The following CYP11B1 variants were observed in gnomAD, a reference collection of about 807,000 sequenced individuals.
CYP11B1 encodes the protein cytochrome P450 11B1, mitochondrial.
In CYP11B1, 34 loss-of-function variants were observed where a neutral mutation model predicts 48.3. That is an observed-to-expected ratio of 0.70 (90% CI 0.54 to 0.94). The LOEUF (loss-of-function observed/expected upper bound fraction) is 0.94. CYP11B1 is among the 40% of genes least tolerant of loss of function. CYP11B1 has a pLI of 0.00. For synonymous variants in CYP11B1, 291 were observed against 262.5 expected, an observed-to-expected ratio of 1.11 and a Z score of -1.05; for missense variants, 688 against 657.4, an observed-to-expected ratio of 1.05 and a Z score of -0.51.
rs1026458725 is a variant in CYP11B1 at position 142,875,825 on chromosome 8, C to T, written c.1008G>A (p.Val336=). The T allele has an allele frequency of 2.5e-6, 4 of 1,614,106 alleles. No individual in the cohort carries two copies. The highest frequency in any genetic ancestry group is 1.3e-5 in the African/African-American group (1 of 75,046). Residue 336 remains valine, a synonymous_variant, in exon 6 of 9, where the codon GTG becomes GTA. Transcript: ENST00000292427. ...GGCTCTCCTGGCGCAGGGCCTGCTG[C>T]ACGTTGGGGTTCCGAGCCAGCTCAA... ...TLFELARNPN[V]QQALRQESLA...
At chr8:142,877,980 A>G in intron 2 of CYP11B1, 1 of 650,856 alleles carries the variant, frequency 1.5e-6, no homozygotes, top group Non-Finnish European at 2.6e-6. Flanking sequence ...ATGTGCACAG[A>G]CACTACACCC....
chr8:142,875,974 C>T (rs1214639931), intron 5 of CYP11B1, 96 bp from the exon 6 acceptor site: 8 of 1,471,048 alleles, frequency 5.4e-6, no homozygotes, highest in Non-Finnish European at 7.6e-6. Flanking sequence ...GGGGTGCAGA[C>T]ATGCATACCC....
chr8:142,879,030 A>G lies in CYP11B1; in HGVS notation c.395+2T>C, dbSNP rs1363648906. ...GCTCCCAGCTCTCAGCTCGCCGCTTACAGCAAGAACACGCCACATTTGTGC... is the reference window on the plus strand; with the variant it reads ...GCTCCCAGCTCTCAGCTCGCCGCTTGCAGCAAGAACACGCCACATTTGTGC... On this transcript the variant is annotated splice_donor_variant, in intron 2 of 8. Coordinates refer to ENST00000292427, the MANE Select transcript of CYP11B1 (RefSeq NM_000497.4). LOFTEE classifies it high-confidence loss of function. 1.2e-6 allele frequency: 2 copies of G among 1,614,050 alleles called. No individual in the cohort carries two copies. The highest frequency in any genetic ancestry group is 1.7e-6 in the Non-Finnish European group (2 of 1,180,002).
rs1469339381 is a variant in CYP11B1, at chr8:142,872,625, A to G, written c.*1748T>C. The G allele has an allele frequency of 6.6e-6, 1 of 152,234 alleles. No individual in the cohort carries two copies. The highest frequency in any genetic ancestry group is 1.5e-5 in the Non-Finnish European group (1 of 68,042). 9.4% of individuals were successfully genotyped at this position (152,234 alleles called of 1,614,324 possible). Reference sequence around the variant, plus strand: ...AAATCACACTTTGGACTACAATTTTAAAGTTGATGCTAAAATGAGTTGATA... The same window carrying G: ...AAATCACACTTTGGACTACAATTTTGAAGTTGATGCTAAAATGAGTTGATA... On this transcript the variant is annotated 3_prime_UTR_variant, in exon 9 of 9. Transcript: ENST00000292427.
At chr8:142,876,117 G>T in intron 5 of CYP11B1, 124 bp downstream of exon 5, 1 of 1,389,378 alleles carries the variant, frequency 7.2e-7, no homozygotes, top group Non-Finnish European at 1.0e-6. Flanking sequence ...ACAATCCCAA[G>T]TAAGAAATGT....
intron 8 of CYP11B1, among the ~76,000 whole-genome samples, 199 bp downstream of exon 8, chr8:142,874,758 G>T (rs1816877933): frequency 6.6e-6 from 1 of 152,098 alleles, no homozygotes; most frequent in Non-Finnish European, 1.5e-5. Context: ...CACCCAGATG[G>T]TACGCTCCTC....
intron 2 of CYP11B1, 100 bp from the exon 3 acceptor site, chr8:142,877,322 G>A: frequency 8.7e-7 from 1 of 1,143,656 alleles, no homozygotes; most frequent in South Asian, 1.3e-5. Flanking sequence ...CGGCCTGCAG[G>A]GAGCTGACTG....
At chr8:142,878,628 G>A (rs541745561) in intron 2 of CYP11B1, among the ~76,000 whole-genome samples, 28 of 152,306 alleles carry the variant, frequency 1.8e-4, no homozygotes, top group African/African-American at 4.8e-4. Flanking sequence ...GGGAGGCTGC[G>A]GCCCCGGCGA....
rs758856185 is a variant in CYP11B1, at chr8:142,879,423, C to A, written c.239+152G>T. 6.2e-6 allele frequency: 10 copies of A among 1,613,180 alleles called. No homozygotes were observed. In the African/African-American group the frequency reaches 1.2e-4, roughly 19 times the overall value. On this transcript the variant is annotated intron_variant, in intron 1 of 8. Coordinates refer to ENST00000292427, the MANE Select transcript of CYP11B1 (RefSeq NM_000497.4). ...ACCATCCCCTGCCCTGGCAGCGCCA[C>A]AGACCAGCACGTGCTGCACTCCTTC...
chr8:142,878,751 G>A (rs7833415), intron 2 of CYP11B1, among the ~76,000 whole-genome samples: 1 of 151,912 alleles, frequency 6.6e-6, no homozygotes, highest in African/African-American at 2.4e-5. Context: ...AGAAAGCATC[G>A]GCCAAGGTTG....
At position 142,876,871 on chromosome 8, in the gene CYP11B1, G is replaced by C. The variant is rs191294148; in HGVS notation, c.610C>G (p.Leu204Val). The change falls in exon 4 of 9, where the codon CTT becomes GTT. Residue 204 changes from leucine to valine, a missense_variant. Leu to Val is a conservative substitution (Grantham distance 32). Coordinates refer to ENST00000292427, the MANE Select transcript of CYP11B1 (RefSeq NM_000497.4). ...HYTIEASNLA[L>V]FGERLGLVGH... ...ACCAGGCCCAGCCGCTCTCCAAAAA[G>C]AGCCAAGTTGCTGGCTGCGGGGAGG... is the stretch of plus-strand genomic sequence containing the variant. The C allele has an allele frequency of 9.9e-6, 16 of 1,614,204 alleles. No homozygotes were observed. The highest frequency in any genetic ancestry group is 3.3e-5 in the Admixed American group (2 of 60,034).
At chr8:142,879,280 TC>T in intron 1 of CYP11B1, 93 bp from the exon 2 acceptor site, 1 of 1,608,658 alleles carries the variant, frequency 6.2e-7, no homozygotes, top group Non-Finnish European at 8.5e-7. Context: ...CTGTCCACCC[TC>T]CCCTCTCCTG....
chr8:142,878,253 T>C (rs1817026036), intron 2 of CYP11B1, among the ~76,000 whole-genome samples: 1 of 152,150 alleles, frequency 6.6e-6, no homozygotes, highest in Non-Finnish European at 1.5e-5. Flanking sequence ...CCAGCCTCAG[T>C]GAAGGCCCCC....
At chr8:142,877,772 G>C in intron 2 of CYP11B1, 1 of 1,597,164 alleles carries the variant, frequency 6.3e-7, no homozygotes, top group East Asian at 2.2e-5. Context: ...GCCAGAGTGC[G>C]TGGGGGCTCC....
chr8:142,879,107 T>A lies in CYP11B1; in HGVS notation c.320A>T (p.His107Leu), dbSNP rs1239195131. 1 of 1,613,894 alleles carries A rather than the reference T, an allele frequency of 6.2e-7. No individual in the cohort carries two copies. The highest frequency in any genetic ancestry group is 8.5e-7 in the Non-Finnish European group (1 of 1,179,872). ...GGGCTCCAGGCTCATCCTGTGGGGA[T>A]GCAGGCTGTCCACCTGTTGCAGCTT... is the stretch of plus-strand genomic sequence containing the variant. ...VEKLQQVDSLHPHRMSLEPWV... is the reference protein window; with the variant it reads ...VEKLQQVDSLLPHRMSLEPWV... Residue 107 changes from histidine (H) to leucine (L), a missense_variant, in exon 2 of 9, where the codon CAT (histidine) becomes CTT (leucine). Transcript: ENST00000292427.
At chr8:142,878,233 C>T (rs1221474515) in intron 2 of CYP11B1, among the ~76,000 whole-genome samples, 4 of 152,196 alleles carry the variant, frequency 2.6e-5, no homozygotes, top group Admixed American at 1.3e-4. Flanking sequence ...TCCCAGATGT[C>T]GTCTGTAGGC....
chr8:142,877,957 G>C (rs1817012430), intron 2 of CYP11B1: 1 of 744,004 alleles, frequency 1.3e-6, no homozygotes, highest in Non-Finnish European at 2.2e-6. Flanking sequence ...TGTGTGAAGA[G>C]ACACATGTAC....
Position 142,876,394 on chromosome 8 carries a change from G to C in CYP11B1, c.801C>G (p.Gly267=), listed in dbSNP as rs147004517. ...FEAWDCIFQY[G]DNCIQKIYQE... ...GATAGATTTTCTGGATACAGTTGTCGCCTATCCGGGGAGCGGGAGGCAGCC... is the reference window on the plus strand; with the variant it reads ...GATAGATTTTCTGGATACAGTTGTCCCCTATCCGGGGAGCGGGAGGCAGCC... Residue 267 remains glycine, a splice_region_variant and synonymous_variant, in exon 5 of 9, where the codon GGC becomes GGG. Transcript: ENST00000292427. 7 of 1,613,246 alleles carry C rather than the reference G, an allele frequency of 4.3e-6. No individual in the cohort carries two copies. In the South Asian group the frequency reaches 6.6e-5, roughly 15 times the overall value.
At chr8:142,879,229 C>G (rs760851596) in intron 1 of CYP11B1, 42 bp from the exon 2 acceptor site, 26 of 1,613,164 alleles carry the variant, frequency 1.6e-5, no homozygotes, top group Non-Finnish European at 2.1e-5. Context: ...GGGACCATGT[C>G]CCCGCTAGCC....
Sources: allele counts gnomAD v4.1 joint callset (sites outside exome capture counted in the v4.1 genomes callset), GRCh38; gene constraint gnomAD v4.1.1; transcripts MANE v1.5; gene names NCBI Gene and HGNC (gene_info 2026-07-23, HGNC 2026-07-21).